PACS1: variants seen among roughly 807,000 people sequenced by gnomAD.
The protein encoded by PACS1 is phosphofurin acidic cluster sorting protein 1.
In PACS1, 24 loss-of-function variants were observed where a neutral mutation model predicts 115.0. The ratio of observed to expected loss-of-function variants is 0.21; its 90% CI spans 0.15 to 0.29. The LOEUF (loss-of-function observed/expected upper bound fraction) is 0.29, where lower values mean the gene tolerates loss of function less well. Among genes scored for constraint, PACS1 ranks in the 10% least tolerant of loss-of-function variants. PACS1 has a pLI of 1.00. For missense variants in PACS1, 838 were observed against 1,251.2 expected (o/e 0.67, Z 4.98); for synonymous variants, 453 against 504.5 (o/e 0.90, Z 1.37).
At chr11:66,122,562 A>G (rs1858469823) in intron 1 of PACS1, among the ~76,000 whole-genome samples, 1 of 152,250 alleles carries the variant, frequency 6.6e-6, no homozygotes, top group Non-Finnish European at 1.5e-5. Context: ...GATGCCATTA[A>G]GAACATTTGT....
intron 1 of PACS1, among the ~76,000 whole-genome samples, chr11:66,163,761 T>C (rs1212935750): frequency 6.6e-6 from 1 of 152,182 alleles, no homozygotes; most frequent in Non-Finnish European, 1.5e-5. Context: ...TGCAGCTGTT[T>C]GTTTCTAAAG....
At chr11:66,125,086 A>G (rs775459142) in intron 1 of PACS1, among the ~76,000 whole-genome samples, 7 of 152,230 alleles carry the variant, frequency 4.6e-5, no homozygotes, top group Non-Finnish European at 8.8e-5. Flanking sequence ...TAATGCTGCT[A>G]TGAACATTGG....
intron 1 of PACS1, among the ~76,000 whole-genome samples, chr11:66,089,217 T>C (rs951564484): frequency 3.9e-5 from 6 of 152,320 alleles, no homozygotes; most frequent in African/African-American, 1.4e-4. Context: ...CCACTGAATG[T>C]CAGTGAATTC....
intron 1 of PACS1, among the ~76,000 whole-genome samples, chr11:66,149,681 TG>T (rs34542470): frequency 1.0e-4 from 9 of 86,848 alleles, no homozygotes; most frequent in Admixed American, 4.2e-4. Flanking sequence ...CTTGTGTTCG[TG>T]TGTGTGTGTG....
chr11:66,094,900 AT>A (rs1244999602), intron 1 of PACS1, among the ~76,000 whole-genome samples: 4 of 151,968 alleles, frequency 2.6e-5, no homozygotes, highest in Non-Finnish European at 5.9e-5. Context: ...ATATACACAA[AT>A]CAATAAATGT....
chr11:66,224,597 G>A (rs1271895115), intron 10 of PACS1, among the ~76,000 whole-genome samples: 1 of 152,176 alleles, frequency 6.6e-6, no homozygotes, highest in South Asian at 2.1e-4. Context: ...TTTTTAGTGA[G>A]TCCTTCAAAT....
intron 1 of PACS1, among the ~76,000 whole-genome samples, chr11:66,178,689 A>G (rs903682744): frequency 6.6e-6 from 1 of 152,196 alleles, no homozygotes. Flanking sequence ...ACAAAAAAAC[A>G]GAAGTGTGGC....
chr11:66,214,361 C>A (rs1855148127), intron 4 of PACS1, among the ~76,000 whole-genome samples: 2 of 152,114 alleles, frequency 1.3e-5, no homozygotes, highest in Non-Finnish European at 2.9e-5. Flanking sequence ...GACTGGGCTC[C>A]TTTTCCTCAT....
chr11:66,173,770 G>C (rs1400250691), intron 1 of PACS1, among the ~76,000 whole-genome samples: 2 of 150,998 alleles, frequency 1.3e-5, no homozygotes, highest in Non-Finnish European at 3.0e-5. Flanking sequence ...CAAAAGATTC[G>C]GGCCAGGCGT....
intron 1 of PACS1, among the ~76,000 whole-genome samples, chr11:66,173,127 C>A (rs1396162612): frequency 6.9e-6 from 1 of 144,352 alleles, no homozygotes. Flanking sequence ...GAGACAGGGT[C>A]CTGCTATGTT....
intron 1 of PACS1, among the ~76,000 whole-genome samples, chr11:66,153,178 G>A (rs754182030): frequency 4.0e-5 from 6 of 151,680 alleles, no homozygotes; most frequent in Non-Finnish European, 7.4e-5. Context: ...TGAGTGTGTT[G>A]GCTATTCACA....
intron 1 of PACS1, among the ~76,000 whole-genome samples, chr11:66,078,972 A>G (rs991279748): frequency 2.0e-5 from 3 of 152,058 alleles, no homozygotes; most frequent in African/African-American, 7.2e-5. Context: ...CAGTGGCGCT[A>G]TCTTGGCTCA....
intron 1 of PACS1, chr11:66,121,158 T>G: frequency 2.3e-6 from 1 of 441,842 alleles, no homozygotes; most frequent in South Asian, 1.6e-5. Context: ...TTTAAAATTT[T>G]TTTATTATTG....
Position 66,219,930 on chromosome 11 carries a change from G to A in PACS1, c.1038+125G>A, listed in dbSNP as rs75555501. 1,719 of 784,630 alleles carry A rather than the reference G, an allele frequency of 2.2e-3. 19 individuals are homozygous for A. The African/African-American group carries it at 0.025, about 11-fold the overall frequency. 48.6% of individuals were successfully genotyped at this position (784,630 alleles called of 1,614,324 possible). A position where few individuals can be genotyped will look rare whatever the true frequency, so the allele number is the denominator to read the frequency against. On this transcript the variant is annotated intron_variant, in intron 8 of 23. Coordinates refer to ENST00000320580, the MANE Select transcript of PACS1 (RefSeq NM_018026.4). ...TCTAGGATTAATATTCCTGCTCCCC[G>A]TGGCATACCTGGTAGAGCCCTAAGG...
intron 1 of PACS1, among the ~76,000 whole-genome samples, chr11:66,131,299 T>C (rs1224439764): frequency 6.6e-6 from 1 of 152,178 alleles, no homozygotes; most frequent in Non-Finnish European, 1.5e-5. Context: ...GTTTGGCAGG[T>C]TTCACATGTT....
At chr11:66,220,179 T>C in intron 8 of PACS1, 1 of 345,020 alleles carries the variant, frequency 2.9e-6, no homozygotes, top group Non-Finnish European at 5.5e-6. Flanking sequence ...TCCTTGTTGG[T>C]CAGCCCTGGA....
intron 1 of PACS1, among the ~76,000 whole-genome samples, chr11:66,116,403 C>T (rs1858307195): frequency 6.6e-6 from 1 of 152,200 alleles, no homozygotes; most frequent in South Asian, 2.1e-4. Context: ...CGAAGTATTA[C>T]ATATTATCTT....
chr11:66,149,582 C>T lies in PACS1; in HGVS notation c.357-43904C>T, dbSNP rs1859191975. 2.0e-5 allele frequency among the ~76,000 whole-genome samples: 3 copies of T among 152,044 alleles called. No individual in the cohort carries two copies. In the South Asian group the frequency reaches 6.2e-4, roughly 32 times the overall value. Reference sequence around the variant, plus strand: ...AACATACACATTTTAAAAAGTAGCTCATAGCATAACATTAACTTTGTATTT... The same window carrying T: ...AACATACACATTTTAAAAAGTAGCTTATAGCATAACATTAACTTTGTATTT... On this transcript the variant is annotated intron_variant, in intron 1 of 23. Transcript: ENST00000320580.
intron 1 of PACS1, among the ~76,000 whole-genome samples, chr11:66,144,102 T>C (rs1034550432): frequency 6.6e-6 from 1 of 152,260 alleles, no homozygotes; most frequent in African/African-American, 2.4e-5. Context: ...GAGATGCGTA[T>C]TCATAGAACT....
Sources: allele counts gnomAD v4.1 joint callset (sites outside exome capture counted in the v4.1 genomes callset), GRCh38; gene constraint gnomAD v4.1.1; transcripts MANE v1.5; gene names NCBI Gene and HGNC (gene_info 2026-07-23, HGNC 2026-07-21).